The following ZNF782 variants were observed in gnomAD, a reference collection of about 807,000 sequenced individuals.
ZNF782 encodes zinc finger protein 782.
In ZNF782, 12 loss-of-function variants were observed where a neutral mutation model predicts 13.0. That is an observed-to-expected ratio of 0.92 (90% CI 0.59 to 1.50). The LOEUF (loss-of-function observed/expected upper bound fraction) is 1.50, where lower values mean the gene tolerates loss of function less well. Among genes scored for constraint, ZNF782 ranks in the 40% most tolerant of loss-of-function variants. The pLI is 0.00. For synonymous variants in ZNF782, 284 were observed against 283.0 expected, an observed-to-expected ratio of 1.00 and a Z score of -0.04; for missense variants, 770 against 822.9, an observed-to-expected ratio of 0.94 and a Z score of 0.79.
Position 96,866,329 on chromosome 9 carries a change from G to T in ZNF782, c.-456-4726C>A, listed in dbSNP as rs1209685748. On this transcript the variant is annotated intron_variant, in intron 1 of 5. Coordinates refer to the ZNF782 transcript ENST00000498811. ...CAGCTGCTCCTGCCATGACTAAAAG[G>T]GGCCAAAATACAGCTTGGGCTGTTG... is the stretch of plus-strand genomic sequence containing the variant. 2.6e-5 allele frequency among the ~76,000 whole-genome samples: 4 copies of T among 152,216 alleles called. No individual in the cohort carries two copies. The East Asian group carries it at 7.7e-4, about 29-fold the overall frequency.
chr9:96,883,488 A>C, the ZNF782 span, among the ~76,000 whole-genome samples: 1 of 152,086 alleles, frequency 6.6e-6, no homozygotes, highest in African/African-American at 2.4e-5. Flanking sequence ...CAAGCAGGAT[A>C]GGGACAACAA....
At chr9:96,888,127 C>T in the ZNF782 span, 1 of 148,454 alleles carries the variant, frequency 6.7e-6, no homozygotes, top group East Asian at 2.0e-4. Context: ...ATGTAACTAA[C>T]ATGCATGTTG....
At chr9:96,925,568 G>A in the ZNF782 span, among the ~76,000 whole-genome samples, 14 of 150,436 alleles carry the variant, frequency 9.3e-5, no homozygotes, top group African/African-American at 3.4e-4. Context: ...CCAGGAGGCG[G>A]AGGCTGCAGT....
chr9:96,831,682 C>CA (rs772749464), intron 4 of ZNF782, among the ~76,000 whole-genome samples: 3 of 149,254 alleles, frequency 2.0e-5, no homozygotes, highest in African/African-American at 5.0e-5. Context: ...CACTGCACTC[C>CA]AGCCTGGACG....
Position 96,825,805 on chromosome 9 carries a change from C to T in ZNF782, c.244+1275G>A, listed in dbSNP as rs1417266336. 1.9e-3 allele frequency among the ~76,000 whole-genome samples: 289 copies of T among 151,994 alleles called. 2 individuals carry two copies. Among genetic ancestry groups the T allele is most frequent in the African/African-American group, 6.7e-3 (276 of 41,478 alleles). ...CAAAAGACACATGAAAAAATGCTCA[C>T]CATCACTGGCCATCAGAGAAATGCA... is the stretch of plus-strand genomic sequence containing the variant. On this transcript the variant is annotated intron_variant, in intron 5 of 5. Coordinates refer to ENST00000481138, the MANE Select transcript of ZNF782 (RefSeq NM_001001662.3).
intron 1 of ZNF782, among the ~76,000 whole-genome samples, chr9:96,869,606 T>G (rs1851800655): frequency 6.6e-6 from 1 of 152,204 alleles, no homozygotes; most frequent in Admixed American, 6.5e-5. Context: ...AAATGATAAC[T>G]TTTATGGGGC....
the ZNF782 span, among the ~76,000 whole-genome samples, chr9:96,920,452 G>A: frequency 4.8e-3 from 713 of 148,488 alleles, 11 homozygotes; most frequent in East Asian, 0.023. Flanking sequence ...ATTTTTAGTA[G>A]AGACGGGGTT....
At chr9:96,844,769 A>G in intron 4 of ZNF782, 121 bp downstream of exon 4, 1 of 1,379,262 alleles carries the variant, frequency 7.3e-7, no homozygotes, top group Non-Finnish European at 1.0e-6. Context: ...AGTGACTAAT[A>G]TAAAAAAGGA....
At chr9:96,881,007 C>T in the ZNF782 span, among the ~76,000 whole-genome samples, 2 of 152,010 alleles carry the variant, frequency 1.3e-5, no homozygotes, top group African/African-American at 2.4e-5. Context: ...GAGTCTTCTT[C>T]GTGTTTTTCA....
intron 1 of ZNF782, among the ~76,000 whole-genome samples, chr9:96,874,985 T>A (rs1198060892): frequency 6.6e-6 from 1 of 152,162 alleles, no homozygotes; most frequent in Non-Finnish European, 1.5e-5. Context: ...TGACACAAGG[T>A]AAGGTTCTAC....
chr9:96,827,865 T>C (rs567596015), intron 4 of ZNF782, among the ~76,000 whole-genome samples: 2 of 152,234 alleles, frequency 1.3e-5, no homozygotes, highest in South Asian at 4.1e-4. Flanking sequence ...AGAGAAACAA[T>C]GAGGTGAGCC....
chr9:96,830,699 C>G (rs1850772077), intron 4 of ZNF782, among the ~76,000 whole-genome samples: 1 of 152,060 alleles, frequency 6.6e-6, no homozygotes, highest in South Asian at 2.1e-4. Flanking sequence ...ACTTGTCATA[C>G]CAAGATCTAA....
At chr9:96,859,830 A>C (rs1416147888) in intron 3 of ZNF782, among the ~76,000 whole-genome samples, 1 of 152,172 alleles carries the variant, frequency 6.6e-6, no homozygotes, top group East Asian at 1.9e-4. Context: ...GGAGTCCCTG[A>C]TTCAGGCCTT....
At chr9:96,833,518 C>CAG (rs993803988) in intron 4 of ZNF782, among the ~76,000 whole-genome samples, 2 of 152,180 alleles carry the variant, frequency 1.3e-5, no homozygotes, top group African/African-American at 4.8e-5. Flanking sequence ...ATGTATTCCT[C>CAG]AGAGAAAGAC....
chr9:96,862,729 T>C (rs1009988306), intron 1 of ZNF782, among the ~76,000 whole-genome samples: 2 of 152,202 alleles, frequency 1.3e-5, no homozygotes, highest in African/African-American at 4.8e-5. Context: ...TTGAAACAAA[T>C]AGGTGTACTT....
At chr9:96,916,278 G>A in the ZNF782 span, among the ~76,000 whole-genome samples, 1 of 151,922 alleles carries the variant, frequency 6.6e-6, no homozygotes, top group African/African-American at 2.4e-5. Flanking sequence ...ATCACTTGAG[G>A]CCAGGAGTTC....
chr9:96,854,517 C>G (rs999219340), upstream of ZNF782: 1 of 152,454 alleles, frequency 6.6e-6, no homozygotes, highest in Non-Finnish European at 1.5e-5. Context: ...GGGGCTCTGG[C>G]TGCACAGGCG....
chr9:96,913,361 T>A, the ZNF782 span, among the ~76,000 whole-genome samples: 1 of 151,786 alleles, frequency 6.6e-6, no homozygotes, highest in Non-Finnish European at 1.5e-5. Flanking sequence ...GTTCAGACCT[T>A]CCCCTAACAC....
the ZNF782 span, among the ~76,000 whole-genome samples, chr9:96,883,303 C>G: frequency 6.6e-6 from 1 of 152,044 alleles, no homozygotes; most frequent in Non-Finnish European, 1.5e-5. Flanking sequence ...GATTCCAGAA[C>G]AGCAGCTCTA....
Sources: gnomAD v4.1 joint callset for allele counts (sites outside exome capture counted in the v4.1 genomes callset) on GRCh38, gnomAD v4.1.1 for gene constraint, MANE v1.5 for transcripts, NCBI Gene and HGNC (gene_info 2026-07-23, HGNC 2026-07-21) for gene names.